FRY: variants seen among roughly 807,000 people sequenced by gnomAD.
FRY encodes protein furry homolog.
In FRY, 128 loss-of-function variants were observed where a neutral mutation model predicts 348.4. That is an observed-to-expected ratio of 0.37 (90% CI 0.32 to 0.43). The LOEUF is 0.43. Among genes scored for constraint, FRY ranks in the 20% least tolerant of loss-of-function variants. The pLI, the probability that FRY is intolerant of heterozygous loss-of-function variation, is 1.00. For missense variants in FRY, 2,736 were observed against 3,695.2 expected (o/e 0.74, Z 6.73); for synonymous variants, 1,370 against 1,374.7 (o/e 1.00, Z 0.08).
chr13:32,202,615 C>A, intron 31 of FRY, 88 bp downstream of exon 31: 1 of 1,167,730 alleles, frequency 8.6e-7, no homozygotes, highest in Admixed American at 1.7e-5. Flanking sequence ...GTGATCATTT[C>A]TTTGCTCTAA....
Position 32,244,023 on chromosome 13 carries a change from C to T in FRY, c.6688-19C>T. On this transcript the variant is annotated intron_variant, in intron 46 of 60. Transcript: ENST00000542859. ...AGATCTGGTGTGTGACTGACTCCAG[C>T]CGCACTTTGCCCCCACAGCTGCTGG... 1.2e-6 allele frequency: 2 copies of T among 1,613,032 alleles called. No individual in the cohort carries two copies. Among genetic ancestry groups the T allele is most frequent in the Non-Finnish European group, 1.7e-6 (2 of 1,179,530 alleles).
chr13:32,049,237 G>C (rs982630561), intron 1 of FRY, among the ~76,000 whole-genome samples: 2 of 152,136 alleles, frequency 1.3e-5, no homozygotes, highest in Non-Finnish European at 1.5e-5. Flanking sequence ...ACAGAGAAGA[G>C]GGGGAAAGGC....
At chr13:32,249,365 T>A (rs1028763704) in intron 48 of FRY, among the ~76,000 whole-genome samples, 161 bp from the exon 49 acceptor site, 1 of 152,228 alleles carries the variant, frequency 6.6e-6, no homozygotes, top group Non-Finnish European at 1.5e-5. Flanking sequence ...CGACTCATAA[T>A]GTGTACTTGC....
chr13:32,124,558 C>T (rs1279516602), intron 5 of FRY, 44 bp from the exon 6 acceptor site: 4 of 1,169,262 alleles, frequency 3.4e-6, no homozygotes, highest in South Asian at 2.5e-5. Context: ...CCGATTTGTT[C>T]TTTAATATTC....
intron 1 of FRY, among the ~76,000 whole-genome samples, chr13:32,076,213 C>A (rs1382783043): frequency 6.6e-6 from 1 of 152,160 alleles, no homozygotes; most frequent in Non-Finnish European, 1.5e-5. Context: ...AATTATGGAT[C>A]TTGTCTTGCA....
rs1723065580 is a variant in FRY, at chr13:32,175,705, TA to T, written c.2421+74del. On this transcript the variant is annotated intron_variant, in intron 20 of 60. Transcript: ENST00000542859. Reference sequence around the variant, plus strand: ...CTATCTAAAATAGTCAGTGAAAAATTATGTGGAATAATTTGGGTGTTTATGT... The same window carrying T: ...CTATCTAAAATAGTCAGTGAAAAATTTGTGGAATAATTTGGGTGTTTATGT... The T allele has an allele frequency of 7.9e-6, 7 of 886,686 alleles. No individual in the cohort carries two copies. In the Admixed American group the frequency reaches 1.2e-4, roughly 16 times the overall value. 54.9% of individuals were successfully genotyped at this position (886,686 alleles called of 1,614,324 possible).
intron 1 of FRY, among the ~76,000 whole-genome samples, chr13:32,039,312 A>G (rs1452070925): frequency 2.0e-5 from 3 of 152,218 alleles, no homozygotes; most frequent in African/African-American, 4.8e-5. Flanking sequence ...TCCTTACATT[A>G]GAAAAATGTG....
intron 19 of FRY, among the ~76,000 whole-genome samples, chr13:32,174,926 G>T (rs963938485): frequency 2.0e-5 from 3 of 151,920 alleles, no homozygotes; most frequent in African/African-American, 7.3e-5. Flanking sequence ...ATGAATGGAT[G>T]AATTAATTTA....
intron 58 of FRY, among the ~76,000 whole-genome samples, chr13:32,278,976 C>T (rs904464534): frequency 6.6e-6 from 1 of 152,066 alleles, no homozygotes; most frequent in Admixed American, 6.5e-5. Flanking sequence ...GTCCAGTGTG[C>T]CGTACTATAA....
intron 55 of FRY, among the ~76,000 whole-genome samples, chr13:32,268,497 AAAAAAAAAATATATAT>A (rs1328934885): frequency 1.9e-4 from 3 of 15,446 alleles, no homozygotes; most frequent in African/African-American, 4.5e-4. Context: ...AAAAAAAAAA[AAAAAAAAAATATATAT>A]ATATATATAT....
intron 41 of FRY, among the ~76,000 whole-genome samples, chr13:32,234,366 T>C (rs1318105609): frequency 6.6e-6 from 1 of 151,728 alleles, no homozygotes; most frequent in Admixed American, 6.6e-5. Flanking sequence ...GAGGCTGCAG[T>C]GAGCCGTGAT....
At chr13:32,276,314 T>C in intron 56 of FRY, 150 bp from the exon 57 acceptor site, 1 of 658,386 alleles carries the variant, frequency 1.5e-6, no homozygotes, top group Non-Finnish European at 2.8e-6. Flanking sequence ...AGCTGATAGT[T>C]GAGCAAAATT....
At chr13:32,112,543 T>C (rs186230955) in intron 3 of FRY, among the ~76,000 whole-genome samples, 1 of 152,318 alleles carries the variant, frequency 6.6e-6, no homozygotes, top group Non-Finnish European at 1.5e-5. Flanking sequence ...GTCTCACATG[T>C]TGGGTTCTGA....
chr13:32,145,537 T>G lies in FRY; in HGVS notation c.1180-1745T>G, dbSNP rs867813353. 2.9e-4 allele frequency among the ~76,000 whole-genome samples: 39 copies of G among 135,734 alleles called. 4 individuals carry two copies. Among genetic ancestry groups the G allele is most frequent in the African/African-American group, 5.7e-4 (20 of 35,006 alleles). 89.0% of individuals were successfully genotyped at this position (135,734 alleles called of 152,430 possible). ...TCTCTGACTGATTTGTTTTTTTTTT[T>G]TTTTTTTTTTTTTTTTTTGAGACGG... is the stretch of plus-strand genomic sequence containing the variant. On this transcript the variant is annotated intron_variant, in intron 11 of 60. Coordinates refer to ENST00000542859, the MANE Select transcript of FRY (RefSeq NM_023037.3).
intron 22 of FRY, 132 bp from the exon 23 acceptor site, chr13:32,179,543 T>G (rs865865293): frequency 3.0e-6 from 1 of 332,668 alleles, no homozygotes; most frequent in Non-Finnish European, 5.7e-6. Context: ...GTGTGTGTGT[T>G]TCCTGAAATG....
intron 1 of FRY, among the ~76,000 whole-genome samples, chr13:32,055,448 A>G (rs1054538729): frequency 1.3e-5 from 2 of 152,236 alleles, no homozygotes; most frequent in Non-Finnish European, 2.9e-5. Flanking sequence ...AAGGGCCATC[A>G]GTAGCTTCCA....
rs1166120226 is a variant in FRY, at chr13:32,239,938, T to C, written c.6687+57T>C. On this transcript the variant is annotated intron_variant, in intron 46 of 60. Coordinates refer to ENST00000542859, the MANE Select transcript of FRY (RefSeq NM_023037.3). The surrounding 1 kb of genome is among the most constrained non-coding windows in gnomAD (Gnocchi z 4.3). ...GGTCTCATTATGTTGCCCAGGCTGA[T>C]CTCAACTCTTGGGCTCAAGCAGTCC... 5 of 1,479,188 alleles carry C rather than the reference T, an allele frequency of 3.4e-6. No homozygotes were observed. The highest frequency in any genetic ancestry group is 4.7e-6 in the Non-Finnish European group (5 of 1,072,026). 91.6% of individuals were successfully genotyped at this position (1,479,188 alleles called of 1,614,324 possible). A position where few individuals can be genotyped will look rare whatever the true frequency, so the allele number is the denominator to read the frequency against.
rs746434622 is a variant in FRY at position 32,178,877 on chromosome 13, C to T, written c.2715C>T (p.Ala905=). ...SPINAKKTST[A]GSGDNYVTLW... is the part of the protein sequence containing the mutation. ...TTAATGCCAAGAAAACCAGCACTGC[C>T]GGCAGCGGAGACAACTATGTTACTT... Residue 905 remains alanine, a synonymous_variant, in exon 22 of 61, where the codon GCC becomes GCT. Transcript: ENST00000542859. 1.9e-5 allele frequency: 30 copies of T among 1,613,610 alleles called. No individual in the cohort carries two copies. Among genetic ancestry groups the T allele is most frequent in the South Asian group, 3.3e-5 (3 of 91,066 alleles).
At chr13:32,171,636 A>G (rs1852453895) in intron 18 of FRY, among the ~76,000 whole-genome samples, 1 of 152,120 alleles carries the variant, frequency 6.6e-6, no homozygotes, top group African/African-American at 2.4e-5. Context: ...TTATTCATAT[A>G]TGTGAATGAG....
Sources: allele counts gnomAD v4.1 joint callset (sites outside exome capture counted in the v4.1 genomes callset), GRCh38; gene constraint gnomAD v4.1.1; non-coding constraint Gnocchi (gnomAD v3.1); transcripts MANE v1.5; gene names NCBI Gene and HGNC (gene_info 2026-07-23, HGNC 2026-07-21).